The following CEACAM20 variants were observed in gnomAD, a reference collection of about 807,000 sequenced individuals.
The protein encoded by CEACAM20 is CEA cell adhesion molecule 20.
Under a neutral mutation model 61.2 loss-of-function variants are expected in CEACAM20, and 50 were observed. The ratio of observed to expected loss-of-function variants is 0.82; its 90% CI spans 0.65 to 1.03. The LOEUF (loss-of-function observed/expected upper bound fraction) is 1.03. CEACAM20 is among the 50% of genes least tolerant of loss of function. CEACAM20 has a pLI of 0.00. For synonymous variants in CEACAM20, 282 were observed against 287.7 expected, an observed-to-expected ratio of 0.98 and a Z score of 0.20; for missense variants, 683 against 736.4, an observed-to-expected ratio of 0.93 and a Z score of 0.84.
In CEACAM20 at chr19:44,513,280, G is replaced by A; in HGVS notation, c.1319C>T (p.Ser440Phe). 2 of 1,612,546 alleles carry A rather than the reference G, an allele frequency of 1.2e-6. No homozygotes were observed. Among genetic ancestry groups the A allele is most frequent in the Non-Finnish European group, 1.7e-6 (2 of 1,178,716 alleles). ...SVLVKVVGPQ[S>F]SSLSSGAIAG... ...GATGGCCCCTGAGGACAGGGAGGAG[G>A]ACTGGGGACCTGGGCAAGGAGACAG... The change falls in exon 7 of 12, where the codon TCC becomes TTC. Residue 440 changes from serine (S) to phenylalanine (F), a missense_variant. Physicochemically the swap from Ser to Phe is radical, Grantham distance 155. Coordinates refer to ENST00000614924, the MANE Select transcript of CEACAM20 (RefSeq NM_001102597.3).
intron 11 of CEACAM20, among the ~76,000 whole-genome samples, chr19:44,508,027 T>A (rs1303439716): frequency 6.6e-6 from 1 of 152,210 alleles, no homozygotes; most frequent in Non-Finnish European, 1.5e-5. Context: ...AAGGAACACA[T>A]TTATCCCTCT....
At chr19:44,513,010 G>T in intron 7 of CEACAM20, 57 bp from the exon 8 acceptor site, 1 of 1,455,528 alleles carries the variant, frequency 6.9e-7, no homozygotes, top group Non-Finnish European at 9.5e-7. Context: ...ATCTCCACAG[G>T]TTCTGCCCAT....
intron 6 of CEACAM20, 61 bp from the exon 7 acceptor site, chr19:44,513,350 C>G (rs1971063971): frequency 4.4e-6 from 5 of 1,127,492 alleles, no homozygotes; most frequent in Non-Finnish European, 6.5e-6. Flanking sequence ...GCTCCCAGCC[C>G]GTTCCCAAGC....
chr19:44,507,990 G>A (rs1182077690), intron 11 of CEACAM20, among the ~76,000 whole-genome samples: 4 of 152,166 alleles, frequency 2.6e-5, no homozygotes, highest in African/African-American at 9.7e-5. Context: ...TATCCTCCAT[G>A]GTAATTTATG....
At chr19:44,519,595 C>T (rs1411888358) in intron 5 of CEACAM20, among the ~76,000 whole-genome samples, 1 of 152,178 alleles carries the variant, frequency 6.6e-6, no homozygotes, top group African/African-American at 2.4e-5. Flanking sequence ...ATAAACCTTA[C>T]AGTCATTCTT....
chr19:44,511,245 G>T, intron 10 of CEACAM20, 90 bp from the exon 11 acceptor site: 2 of 1,504,026 alleles, frequency 1.3e-6, no homozygotes, highest in Non-Finnish European at 1.8e-6. Context: ...CGAGAGAGTG[G>T]AAGGAATCTG....
At chr19:44,526,052 G>A (rs1177262829) in intron 1 of CEACAM20, among the ~76,000 whole-genome samples, 1 of 152,208 alleles carries the variant, frequency 6.6e-6, no homozygotes, top group Non-Finnish European at 1.5e-5. Context: ...TCTCAACACT[G>A]TAATTCCTCC....
intron 1 of CEACAM20, among the ~76,000 whole-genome samples, chr19:44,528,433 C>A (rs1163680376): frequency 6.6e-6 from 1 of 152,082 alleles, no homozygotes; most frequent in Non-Finnish European, 1.5e-5. Flanking sequence ...ACCATCTTGG[C>A]TAGGCTGGTC....
Position 44,525,211 on chromosome 19 carries a change from G to A in CEACAM20, c.86C>T (p.Ala29Val), listed in dbSNP as rs1181266274. 1.2e-6 allele frequency: 2 copies of A among 1,608,012 alleles called. No homozygotes were observed. Residue 29 changes from alanine to valine, a missense_variant, in exon 2 of 12, where the codon GCA becomes GTA. Transcript: ENST00000614924. ...SLCTVWSPPA[A>V]AQLTLNANPL... Reference sequence around the variant, plus strand: ...GTTGGCATTGAGGGTGAGCTGGGCTGCAGCTGGAGGACTCCATACGGTACA... The same window carrying A: ...GTTGGCATTGAGGGTGAGCTGGGCTACAGCTGGAGGACTCCATACGGTACA...
Position 44,513,171 on chromosome 19 carries a change from C to CAGGGAT in CEACAM20, c.1427_1427+1insATCCCT (p.Arg476_Pro477insSerLeu). ...TCCCCCTCCCTGTATCCCTGTGTTACCGTCTGGCATTTCTGATGCAGAGAA... is the reference window on the plus strand; with the variant it reads ...TCCCCCTCCCTGTATCCCTGTGTTACAGGGATCGTCTGGCATTTCTGATGCAGAGAA... On this transcript the variant is annotated inframe_insertion and splice_region_variant. Transcript: ENST00000614924. 1 of 1,606,934 alleles carries CAGGGAT rather than the reference C, an allele frequency of 6.2e-7. No homozygotes were observed. Among genetic ancestry groups the CAGGGAT allele is most frequent in the Non-Finnish European group, 8.5e-7 (1 of 1,173,810 alleles).
intron 5 of CEACAM20, among the ~76,000 whole-genome samples, chr19:44,519,691 A>T (rs371386686): frequency 1.3e-5 from 2 of 152,316 alleles, no homozygotes; most frequent in Middle Eastern, 3.4e-3. Flanking sequence ...AACACCCGAC[A>T]GTTGCCATTC....
chr19:44,519,055 A>G (rs112121690), intron 5 of CEACAM20, among the ~76,000 whole-genome samples: 6 of 152,082 alleles, frequency 3.9e-5, no homozygotes, highest in African/African-American at 1.4e-4. Context: ...CCTCAAGGCC[A>G]TCGCACACTC....
chr19:44,518,526 T>C (rs62116889), intron 5 of CEACAM20, among the ~76,000 whole-genome samples: 18,551 of 151,814 alleles, frequency 0.12, 1,325 homozygotes, highest in African/African-American at 0.18. Context: ...ATCACTTGAG[T>C]TCAGGGATTC....
At chr19:44,522,516 G>C in intron 4 of CEACAM20, 118 bp downstream of exon 4, 1 of 1,070,922 alleles carries the variant, frequency 9.3e-7, no homozygotes, top group Non-Finnish European at 1.3e-6. Flanking sequence ...GTCATGCAGG[G>C]ATTTCTCCCT....
At chr19:44,518,038 T>G (rs1599675421) in intron 5 of CEACAM20, among the ~76,000 whole-genome samples, 1 of 150,028 alleles carries the variant, frequency 6.7e-6, no homozygotes, top group Admixed American at 6.7e-5. Context: ...ATTGTGCCAC[T>G]GCACTCCGTC....
Position 44,524,010 on chromosome 19 carries a change from C to T in CEACAM20, c.448G>A (p.Asp150Asn), listed in dbSNP as rs372020630. 14 of 1,552,598 alleles carry T rather than the reference C, an allele frequency of 9.0e-6. No individual in the cohort carries two copies. In the Middle Eastern group the frequency reaches 5.0e-4, roughly 56 times the overall value. Reference sequence around the variant, plus strand: ...CACTTCACATCCAGGAAGATGGGGTCGCTCCTCTGGCTCAGAAGGGCATCT... The same window carrying T: ...CACTTCACATCCAGGAAGATGGGGTTGCTCCTCTGGCTCAGAAGGGCATCT... ...ARDALLSQRS[D>N]PIFLDVKYGP... Residue 150 changes from aspartate to asparagine, a missense_variant, in exon 3 of 12, where the codon GAC (aspartate) becomes AAC (asparagine). Asp to Asn is a conservative substitution (Grantham distance 23, BLOSUM62 1). Coordinates refer to ENST00000614924, the MANE Select transcript of CEACAM20 (RefSeq NM_001102597.3).
intron 11 of CEACAM20, among the ~76,000 whole-genome samples, chr19:44,510,604 GAA>G (rs1970960133): frequency 1.4e-5 from 1 of 73,012 alleles, no homozygotes; most frequent in Non-Finnish European, 2.5e-5. Flanking sequence ...AAGAAAGAAA[GAA>G]AGAAAAAGGA....
intron 10 of CEACAM20, among the ~76,000 whole-genome samples, chr19:44,511,407 T>G (rs1970995745): frequency 6.6e-6 from 1 of 152,138 alleles, no homozygotes; most frequent in Non-Finnish European, 1.5e-5. Flanking sequence ...ACCACCTCAT[T>G]GGCAATCCAA....
chr19:44,510,597 A>AG (rs1491483825), intron 11 of CEACAM20, among the ~76,000 whole-genome samples: 1 of 69,000 alleles, frequency 1.4e-5, no homozygotes. Context: ...AGAAAGAAAG[A>AG]AAGAAAGAAA....
Sources: gnomAD v4.1 joint callset for allele counts (sites outside exome capture counted in the v4.1 genomes callset) on GRCh38, gnomAD v4.1.1 for gene constraint, MANE v1.5 for transcripts, NCBI Gene and HGNC (gene_info 2026-07-23, HGNC 2026-07-21) for gene names.